The following DNAAF5 variants were observed in gnomAD, a reference collection of about 807,000 sequenced individuals.
DNAAF5 encodes the protein dynein axonemal assembly factor 5, also known as HEAT repeat containing 2.
DNAAF5 carries 64 observed loss-of-function variants against 75.8 expected under a neutral mutation model. That is an observed-to-expected ratio of 0.84 (90% CI 0.69 to 1.04). The LOEUF is 1.04. Among genes scored for constraint, DNAAF5 ranks in the 50% least tolerant of loss-of-function variants. The probability of loss-of-function intolerance (pLI) is 0.00; values close to 1 mark genes in which losing one functional copy is unlikely to be tolerated. For synonymous variants in DNAAF5, 657 were observed against 557.2 expected, an observed-to-expected ratio of 1.18 and a Z score of -2.52; for missense variants, 1,269 against 1,178.5, an observed-to-expected ratio of 1.08 and a Z score of -1.12.
chr7:775,297 T>A, intron 11 of DNAAF5, 135 bp downstream of exon 11: 1 of 794,756 alleles, frequency 1.3e-6, no homozygotes, highest in Non-Finnish European at 2.1e-6. Context: ...TTCACACCTT[T>A]AATTCCAGCA....
intron 8 of DNAAF5, among the ~76,000 whole-genome samples, chr7:767,017 AT>A (rs981806658): frequency 6.6e-6 from 1 of 151,898 alleles, no homozygotes; most frequent in African/African-American, 2.4e-5. Flanking sequence ...AGGCAGGCAG[AT>A]CCCGATGTCA....
At chr7:780,253 G>C in intron 12 of DNAAF5, 109 bp downstream of exon 12, 1 of 1,005,498 alleles carries the variant, frequency 9.9e-7, no homozygotes, top group African/African-American at 1.6e-5. Context: ...GGCACAGGAG[G>C]GGCCTCAGCT....
At chr7:777,865 G>A (rs984084418) in intron 11 of DNAAF5, among the ~76,000 whole-genome samples, 12 of 152,128 alleles carry the variant, frequency 7.9e-5, no homozygotes, top group Admixed American at 6.6e-4. Flanking sequence ...GACACGGGAC[G>A]GGGAGGGACG....
chr7:783,958 C>G (rs905188306), intron 12 of DNAAF5, among the ~76,000 whole-genome samples: 3 of 151,908 alleles, frequency 2.0e-5, no homozygotes, highest in Admixed American at 6.6e-5. Flanking sequence ...CCCCACTGCA[C>G]GGTACAGGCC....
chr7:784,092 C>T (rs1178745620), intron 12 of DNAAF5, among the ~76,000 whole-genome samples: 1 of 152,136 alleles, frequency 6.6e-6, no homozygotes, highest in African/African-American at 2.4e-5. Context: ...CGCCTTACCC[C>T]TCCTCGAGGC....
intron 1 of DNAAF5, 38 bp from the exon 2 acceptor site, chr7:729,625 G>T: frequency 1.3e-6 from 2 of 1,592,832 alleles, no homozygotes; most frequent in Non-Finnish European, 1.7e-6. Flanking sequence ...AGGCGTGTGG[G>T]AGCAGCTCTG....
chr7:741,408 G>A lies in DNAAF5; in HGVS notation c.967G>A (p.Asp323Asn), dbSNP rs1363128836. The A allele has an allele frequency of 6.3e-7, 1 of 1,577,494 alleles. No individual in the cohort carries two copies. Among genetic ancestry groups the A allele is most frequent in the Admixed American group, 1.9e-5 (1 of 53,570 alleles). The change falls in exon 4 of 13, where the codon GAC (aspartate) becomes AAC (asparagine). Residue 323 changes from aspartate (D) to asparagine (N), a missense_variant. Physicochemically the swap from Asp to Asn is conservative, Grantham distance 23. Transcript: ENST00000297440. ...GCAGTGGCAGAAGGAGAATGAGGAGGACCTGAAGGACAAGCTGGACTTTGC... is the reference window on the plus strand; with the variant it reads ...GCAGTGGCAGAAGGAGAATGAGGAGAACCTGAAGGACAAGCTGGACTTTGC... ...GLQWQKENEE[D>N]LKDKLDFAPP...
Position 785,697 on chromosome 7 carries a change from C to G in DNAAF5, c.*44C>G. 1.9e-6 allele frequency: 3 copies of G among 1,599,244 alleles called. No individual in the cohort carries two copies. Among genetic ancestry groups the G allele is most frequent in the Non-Finnish European group, 2.6e-6 (3 of 1,172,168 alleles). ...CGGCACACCCTTGTCCCCACCTGAG[C>G]CAGAGTTTGTGGCCTTTAAATCTCA... is the stretch of plus-strand genomic sequence containing the variant. On this transcript the variant is annotated 3_prime_UTR_variant, in exon 13 of 13. Coordinates refer to ENST00000297440, the MANE Select transcript of DNAAF5 (RefSeq NM_017802.4).
At chr7:752,879 A>AT (rs1425902734) in intron 4 of DNAAF5, among the ~76,000 whole-genome samples, 1 of 152,234 alleles carries the variant, frequency 6.6e-6, no homozygotes, top group Non-Finnish European at 1.5e-5. Context: ...AAAACAATCC[A>AT]TTTTTTTAAA....
At chr7:740,983 G>T in intron 3 of DNAAF5, 40 bp downstream of exon 3, 1 of 1,604,546 alleles carries the variant, frequency 6.2e-7, no homozygotes. Context: ...CTTCCTAAAC[G>T]GTCATGTGTA....
In DNAAF5 at chr7:754,874, T is replaced by C; in HGVS notation, c.1257+53T>C. The C allele has an allele frequency of 7.3e-7, 1 of 1,366,202 alleles. No individual in the cohort carries two copies. Among genetic ancestry groups the C allele is most frequent in the East Asian group, 2.5e-5 (1 of 40,186 alleles). 84.6% of individuals were successfully genotyped at this position (1,366,202 alleles called of 1,614,324 possible). A position where few individuals can be genotyped will look rare whatever the true frequency, so the allele number is the denominator to read the frequency against. Reference sequence around the variant, plus strand: ...GCGGAGCTGTAACTCGAGCTTAAGATCCCGCCTCTGTGGTGTGCGGGGCCC... The same window carrying C: ...GCGGAGCTGTAACTCGAGCTTAAGACCCCGCCTCTGTGGTGTGCGGGGCCC... On this transcript the variant is annotated intron_variant, in intron 5 of 12. Coordinates refer to ENST00000297440, the MANE Select transcript of DNAAF5 (RefSeq NM_017802.4). This position sits in a 1 kb window ranked among gnomAD's most constrained non-coding sequence, Gnocchi z 4.8.
Position 727,002 on chromosome 7 carries a change from G to T in DNAAF5, c.282G>T (p.Ala94=). ...GCGACCCCGCCGAGGGCTGCCGCGC[G>T]CTGGCAGTGCACCTGCTGGATCTGG... ...CLSDPAEGCR[A]LAVHLLDLGL... is the part of the protein sequence containing the mutation. Residue 94 remains alanine (A), a synonymous_variant, in exon 1 of 13, where the codon GCG becomes GCT. Transcript: ENST00000297440. 8.0e-7 allele frequency: 1 copy of T among 1,248,604 alleles called. No homozygotes were observed. The highest frequency in any genetic ancestry group is 1.0e-6 in the Non-Finnish European group (1 of 991,920). 77.3% of individuals were successfully genotyped at this position (1,248,604 alleles called of 1,614,324 possible).
intron 4 of DNAAF5, among the ~76,000 whole-genome samples, chr7:747,265 G>A (rs554645821): frequency 1.3e-5 from 2 of 152,380 alleles, no homozygotes; most frequent in East Asian, 3.9e-4. Context: ...AGGTGCTGCA[G>A]TCAGGCCAGC....
rs1778511732 is a variant in DNAAF5 at position 770,336 on chromosome 7, G to T, written c.1784-135G>T. The T allele has an allele frequency of 4.2e-6, 3 of 706,458 alleles. No individual in the cohort carries two copies. The Admixed American group carries it at 8.8e-5, about 21-fold the overall frequency. 43.8% of individuals were successfully genotyped at this position (706,458 alleles called of 1,614,324 possible). A position where few individuals can be genotyped will look rare whatever the true frequency, so the allele number is the denominator to read the frequency against. On this transcript the variant is annotated intron_variant, in intron 8 of 12. Transcript: ENST00000297440. Reference sequence around the variant, plus strand: ...CTGTGATAATCACCTTACTGATTGAGAAAGAGGAAGCGGGGAGGTGGTGGC... The same window carrying T: ...CTGTGATAATCACCTTACTGATTGATAAAGAGGAAGCGGGGAGGTGGTGGC...
intron 9 of DNAAF5, chr7:772,063 C>T (rs1321171799): frequency 2.0e-5 from 3 of 152,372 alleles, no homozygotes; most frequent in African/African-American, 7.2e-5. Context: ...ATCGTCTGCG[C>T]AGAGCACCTT....
chr7:769,252 T>A (rs1444066441), intron 8 of DNAAF5: 1 of 736,780 alleles, frequency 1.4e-6, no homozygotes, highest in Non-Finnish European at 2.5e-6. Flanking sequence ...CCCTCTACAC[T>A]GGCCCGGGGC....
intron 4 of DNAAF5, among the ~76,000 whole-genome samples, chr7:743,399 G>A (rs566283909): frequency 1.3e-5 from 2 of 151,306 alleles, no homozygotes; most frequent in South Asian, 4.2e-4. Context: ...ACAAAAAACA[G>A]TTTCTCATGT....
intron 6 of DNAAF5, among the ~76,000 whole-genome samples, chr7:761,417 T>A (rs1782640140): frequency 6.6e-6 from 1 of 152,238 alleles, no homozygotes; most frequent in Non-Finnish European, 1.5e-5. Context: ...ACTGGGTAAT[T>A]TATAAAGAAA....
chr7:764,894 G>C (rs894698533), intron 8 of DNAAF5, among the ~76,000 whole-genome samples: 1 of 152,080 alleles, frequency 6.6e-6, no homozygotes, highest in African/African-American at 2.4e-5. Flanking sequence ...AACACGGCAA[G>C]AGCTCATCTC....
Sources: gnomAD v4.1 joint callset for allele counts (sites outside exome capture counted in the v4.1 genomes callset) on GRCh38, gnomAD v4.1.1 for gene constraint, Gnocchi (gnomAD v3.1) non-coding constraint, MANE v1.5 for transcripts, NCBI Gene and HGNC (gene_info 2026-07-23, HGNC 2026-07-21) for gene names.